Variants in AGAP1 observed in about 807,000 individuals in gnomAD.
AGAP1 encodes arf-GAP with GTPase, ANK repeat and PH domain-containing protein 1.
In AGAP1, 29 loss-of-function variants were observed where a neutral mutation model predicts 105.3. The ratio of observed to expected loss-of-function variants is 0.28; its 90% CI spans 0.21 to 0.38. AGAP1 has a LOEUF of 0.38. Ranked by LOEUF, AGAP1 falls within the 10% of genes least tolerant of loss-of-function variation. The probability of loss-of-function intolerance (pLI) is 1.00; values close to 1 mark genes in which losing one functional copy is unlikely to be tolerated. For missense variants in AGAP1, 998 were observed against 1,165.1 expected (o/e 0.86, Z 2.09); for synonymous variants, 509 against 485.9 (o/e 1.05, Z -0.63).
At chr2:235,685,400 C>T (rs2149414474) in intron 1 of AGAP1, among the ~76,000 whole-genome samples, 1 of 151,876 alleles carries the variant, frequency 6.6e-6, no homozygotes, top group East Asian at 2.0e-4. Context: ...GGCTGCCTCT[C>T]TGATGCCTGA....
intron 9 of AGAP1, among the ~76,000 whole-genome samples, chr2:235,832,445 G>A (rs1008190873): frequency 2.0e-5 from 3 of 152,194 alleles, no homozygotes; most frequent in Non-Finnish European, 4.4e-5. Flanking sequence ...GAAACCTTCT[G>A]AGTGAGCACA....
intron 1 of AGAP1, among the ~76,000 whole-genome samples, chr2:235,672,521 C>T (rs1948492121): frequency 6.6e-6 from 1 of 152,240 alleles, no homozygotes; most frequent in East Asian, 1.9e-4. Context: ...TATCCCATCC[C>T]TTCATGTATT....
chr2:235,550,402 GGAGTCACT>G lies in AGAP1; in HGVS notation c.163+55557_163+55564del, dbSNP rs1943766564. ...GACTTCTCATAGCTGTTCGTCATTG[GGAGTCACT>G]GAGCATGCACACGGGCTGTCAGGTC... is the stretch of plus-strand genomic sequence containing the variant. On this transcript the variant is annotated intron_variant, in intron 1 of 17. Transcript: ENST00000304032. This position sits in a 1 kb window ranked among gnomAD's most constrained non-coding sequence, Gnocchi z 4.6. 6.6e-6 allele frequency among the ~76,000 whole-genome samples: 1 copy of G among 152,178 alleles called. No homozygotes were observed. The highest frequency in any genetic ancestry group is 2.4e-5 in the African/African-American group (1 of 41,430).
chr2:235,882,475 C>G lies in AGAP1; in HGVS notation c.1051-870C>G. 1 of 1,566,260 alleles carries G rather than the reference C, an allele frequency of 6.4e-7. No individual in the cohort carries two copies. The highest frequency in any genetic ancestry group is 8.8e-7 in the Non-Finnish European group (1 of 1,141,668). On this transcript the variant is annotated intron_variant, in intron 9 of 17. Transcript: ENST00000304032. The surrounding 1 kb of genome is among the most constrained non-coding windows in gnomAD (Gnocchi z 4.6). ...CTATTGAAGCTGGCGATTCCCCCCA[C>G]GTCTGGTTTGTCTGCCATTTTCTTA... is the stretch of plus-strand genomic sequence containing the variant.
rs563310558 is a variant in AGAP1 at position 236,126,317 on chromosome 2, C to T, written c.*2195C>T. 2 of 151,714 alleles carry T rather than the reference C, an allele frequency of 1.3e-5. No individual in the cohort carries two copies. The highest frequency in any genetic ancestry group is 2.0e-4 in the East Asian group (1 of 5,112). 9.4% of individuals were successfully genotyped at this position (151,714 alleles called of 1,614,324 possible). On this transcript the variant is annotated 3_prime_UTR_variant, in exon 18 of 18. Coordinates refer to ENST00000304032, the MANE Select transcript of AGAP1 (RefSeq NM_001037131.3). ...TATTTTTGAAGAACGCGTTGGTGTT[C>T]GAGTCCACTAGACACACTCGCTCCA...
Position 235,720,360 on chromosome 2 carries a change from A to G in AGAP1, c.310+2716A>G, listed in dbSNP as rs1020022022. The stretch of plus-strand genomic sequence containing the variant: ...GTTGTCACCTGGGTGTGTGGAGACT[A>G]TCAAAGGGATGTGTTGTCCTCGGGG... On this transcript the variant is annotated intron_variant, in intron 3 of 17. Coordinates refer to ENST00000304032, the MANE Select transcript of AGAP1 (RefSeq NM_001037131.3). The surrounding 1 kb of genome is among the most constrained non-coding windows in gnomAD (Gnocchi z 5.0). Among the ~76,000 whole-genome samples the G allele has an allele frequency of 9.2e-5, 14 of 152,130 alleles. No homozygotes were observed. The highest frequency in any genetic ancestry group is 3.1e-4 in the African/African-American group (13 of 41,418).
intron 9 of AGAP1, chr2:235,852,629 A>G (rs1375674541): frequency 6.5e-5 from 90 of 1,377,308 alleles, no homozygotes; most frequent in Non-Finnish European, 9.5e-7. Context: ...ATTAGCCATA[A>G]CCCTCATCAG....
In AGAP1 at chr2:236,076,697, A is replaced by G. The variant is rs1011957407; in HGVS notation, c.2114+27416A>G. Among the ~76,000 whole-genome samples, 6 of 152,164 alleles carry G rather than the reference A, an allele frequency of 3.9e-5. No homozygotes were observed. The highest frequency in any genetic ancestry group is 9.6e-5 in the African/African-American group (4 of 41,454). ...CTTTGTGGCACTTAATAATTTCCCA[A>G]ACCACTAAAGAGGGAAGCCCCAGCG... On this transcript the variant is annotated intron_variant, in intron 16 of 17. Coordinates refer to ENST00000304032, the MANE Select transcript of AGAP1 (RefSeq NM_001037131.3). The surrounding 1 kb of genome is among the most constrained non-coding windows in gnomAD (Gnocchi z 4.4).
At chr2:235,876,605 C>A (rs1286674699) in intron 9 of AGAP1, among the ~76,000 whole-genome samples, 1 of 152,204 alleles carries the variant, frequency 6.6e-6, no homozygotes, top group African/African-American at 2.4e-5. Flanking sequence ...CCCTCCTGGT[C>A]ACCAGCTCCT....
At chr2:235,870,258 A>G (rs2049372769) in intron 9 of AGAP1, among the ~76,000 whole-genome samples, 1 of 152,168 alleles carries the variant, frequency 6.6e-6, no homozygotes, top group East Asian at 1.9e-4. Context: ...GGTCCTCCCC[A>G]TCGGAAGACC....
At chr2:235,822,687 A>ATG (rs1234457235) in intron 9 of AGAP1, among the ~76,000 whole-genome samples, 2 of 150,894 alleles carry the variant, frequency 1.3e-5, no homozygotes, top group African/African-American at 4.9e-5. Context: ...AAGCTTGGGA[A>ATG]TGGGAAGAAG....
chr2:235,600,875 G>C lies in AGAP1; in HGVS notation c.163+106026G>C, dbSNP rs1326175676. Among the ~76,000 whole-genome samples, 1 of 152,180 alleles carries C rather than the reference G, an allele frequency of 6.6e-6. No homozygotes were observed. The highest frequency in any genetic ancestry group is 1.5e-5 in the Non-Finnish European group (1 of 68,046). On this transcript the variant is annotated intron_variant, in intron 1 of 17. Transcript: ENST00000304032. This position sits in a 1 kb window ranked among gnomAD's most constrained non-coding sequence, Gnocchi z 4.8. The stretch of plus-strand genomic sequence containing the variant: ...TACTTTGCATCTTTCAATCCAGTCA[G>C]GTTGACACTCAGTATTAACCAGCAT...
At chr2:235,798,154 G>C (rs941449186) in intron 7 of AGAP1, among the ~76,000 whole-genome samples, 1 of 152,026 alleles carries the variant, frequency 6.6e-6, no homozygotes, top group South Asian at 2.1e-4. Flanking sequence ...TGCAGTCCTC[G>C]CTGGTGATTT....
chr2:235,593,072 CG>C (rs1449150617), intron 1 of AGAP1, among the ~76,000 whole-genome samples: 1 of 152,034 alleles, frequency 6.6e-6, no homozygotes, highest in African/African-American at 2.4e-5. Context: ...AGAGATGGCT[CG>C]GAAGTGAGGG....
At chr2:235,764,000 T>TCCGTGCGTGGCTGTGAC (rs796384703) in intron 6 of AGAP1, among the ~76,000 whole-genome samples, 9,079 of 150,214 alleles carry the variant, frequency 0.06, 941 homozygotes, top group African/African-American at 0.21. Context: ...GTGGCTGTGA[T>TCCGTGCGTGGCTGTGAC]CCGTGCGTGG....
chr2:235,907,973 A>C (rs1020948335), intron 10 of AGAP1, among the ~76,000 whole-genome samples: 1 of 152,200 alleles, frequency 6.6e-6, no homozygotes, highest in African/African-American at 2.4e-5. Flanking sequence ...AATAACAATA[A>C]TAATAATGAG....
intron 16 of AGAP1, among the ~76,000 whole-genome samples, chr2:236,100,202 T>G (rs2059311436): frequency 1.3e-5 from 2 of 152,140 alleles, no homozygotes; most frequent in South Asian, 4.2e-4. Context: ...AAGGTTCCTT[T>G]CTCACCAAGA....
intron 1 of AGAP1, among the ~76,000 whole-genome samples, chr2:235,576,443 G>C (rs1402175697): frequency 6.6e-6 from 1 of 152,124 alleles, no homozygotes; most frequent in African/African-American, 2.4e-5. Flanking sequence ...TGACGAGTAT[G>C]GTATATTCTG....
chr2:235,704,974 T>C (rs1332808127), intron 1 of AGAP1, among the ~76,000 whole-genome samples: 2 of 105,624 alleles, frequency 1.9e-5, no homozygotes, highest in Non-Finnish European at 1.8e-5. Flanking sequence ...TTTTTCTTTT[T>C]TTTTTTTTTT....
Sources: allele counts gnomAD v4.1 joint callset (sites outside exome capture counted in the v4.1 genomes callset), GRCh38; gene constraint gnomAD v4.1.1; non-coding constraint Gnocchi (gnomAD v3.1); transcripts MANE v1.5; gene names NCBI Gene and HGNC (gene_info 2026-07-23, HGNC 2026-07-21).